Variants in PDE4B observed in about 807,000 individuals in gnomAD.
The protein encoded by PDE4B is 3',5'-cyclic-AMP phosphodiesterase 4B.
Under a neutral mutation model 82.2 loss-of-function variants are expected in PDE4B, and 20 were observed. The observed-to-expected ratio is 0.24, with a 90% CI of 0.17 to 0.35. The LOEUF (loss-of-function observed/expected upper bound fraction) is 0.35. Ranked by LOEUF, PDE4B falls within the 10% of genes least tolerant of loss-of-function variation. The pLI is 1.00. For synonymous variants in PDE4B, 320 were observed against 318.9 expected (o/e 1.00, Z -0.04); for missense variants, 655 against 907.2 (o/e 0.72, Z 3.57).
chr1:66,340,959 A>G lies in PDE4B; in HGVS notation c.747+8339A>G, dbSNP rs145755635. ...CAACTATCTAATGTCTTTGGTCACT[A>G]TTGATGAAATTTGATAAATCAAACC... On this transcript the variant is annotated intron_variant, in intron 8 of 16. Coordinates refer to ENST00000341517, the MANE Select transcript of PDE4B (RefSeq NM_002600.4). 6.2e-4 allele frequency among the ~76,000 whole-genome samples: 94 copies of G among 152,318 alleles called. 1 individual carries two copies. The East Asian group carries it at 0.016, about 26-fold the overall frequency.
intron 7 of PDE4B, among the ~76,000 whole-genome samples, chr1:66,330,130 A>G (rs1660003348): frequency 6.6e-6 from 1 of 152,248 alleles, no homozygotes; most frequent in Non-Finnish European, 1.5e-5. Context: ...CAAAGTCTTG[A>G]CTGTGAATTA....
intron 8 of PDE4B, among the ~76,000 whole-genome samples, chr1:66,342,730 C>CA (rs59069739): frequency 0.063 from 6,763 of 108,082 alleles, 362 homozygotes; most frequent in African/African-American, 0.17. Context: ...AACTCCATCT[C>CA]AAAAAAAAAA....
At chr1:65,970,470 C>CT (rs1443716119) in intron 3 of PDE4B, among the ~76,000 whole-genome samples, 1 of 152,070 alleles carries the variant, frequency 6.6e-6, no homozygotes, top group Admixed American at 6.6e-5. Flanking sequence ...ACTTTATTCA[C>CT]TTAACCAGCC....
chr1:66,026,845 C>T (rs781161771), intron 3 of PDE4B, among the ~76,000 whole-genome samples: 1 of 152,192 alleles, frequency 6.6e-6, no homozygotes, highest in Admixed American at 6.5e-5. Context: ...AACAAACCAA[C>T]CAATTATGGC....
intron 1 of PDE4B, among the ~76,000 whole-genome samples, chr1:65,841,457 G>A (rs1276215297): frequency 1.3e-5 from 2 of 152,036 alleles, no homozygotes; most frequent in African/African-American, 4.8e-5. Context: ...GTATAGAGGA[G>A]TCTGGGGTAA....
intron 1 of PDE4B, among the ~76,000 whole-genome samples, chr1:65,800,189 G>T (rs1645678815): frequency 6.6e-6 from 1 of 152,080 alleles, no homozygotes; most frequent in Non-Finnish European, 1.5e-5. Context: ...AGATCAGGAG[G>T]CAAGGCCAGT....
intron 3 of PDE4B, among the ~76,000 whole-genome samples, chr1:66,133,342 A>C (rs1279159642): frequency 1.3e-5 from 2 of 152,322 alleles, no homozygotes; most frequent in Middle Eastern, 3.4e-3. Flanking sequence ...ATCTCAATGA[A>C]TGTTATTATT....
At chr1:66,321,469 T>C (rs969805987) in intron 7 of PDE4B, among the ~76,000 whole-genome samples, 1 of 152,182 alleles carries the variant, frequency 6.6e-6, no homozygotes, top group Non-Finnish European at 1.5e-5. Flanking sequence ...TTCTTGCTTC[T>C]ATAACAAAAT....
At chr1:66,356,457 A>G (rs1339832561) in intron 9 of PDE4B, among the ~76,000 whole-genome samples, 1 of 152,230 alleles carries the variant, frequency 6.6e-6, no homozygotes, top group Non-Finnish European at 1.5e-5. Context: ...AAGTAAATGG[A>G]TAGCATTTAG....
chr1:66,348,962 A>C (rs1437871933), intron 8 of PDE4B, among the ~76,000 whole-genome samples: 2 of 152,150 alleles, frequency 1.3e-5, no homozygotes, highest in East Asian at 3.8e-4. Context: ...CTTTGGGTCT[A>C]GGAAACGTCA....
intron 3 of PDE4B, among the ~76,000 whole-genome samples, chr1:66,042,143 C>T (rs1251865063): frequency 6.6e-6 from 1 of 151,692 alleles, no homozygotes; most frequent in African/African-American, 2.4e-5. Flanking sequence ...GTGATTGTTT[C>T]CCCCAAATCA....
chr1:65,895,807 T>C (rs1478807544), intron 1 of PDE4B, among the ~76,000 whole-genome samples: 2 of 150,792 alleles, frequency 1.3e-5, no homozygotes, highest in African/African-American at 4.9e-5. Flanking sequence ...CAGATATAAA[T>C]CCTGGAGAAT....
intron 3 of PDE4B, among the ~76,000 whole-genome samples, chr1:65,958,980 T>G (rs1649411380): frequency 6.6e-6 from 1 of 152,242 alleles, no homozygotes. Flanking sequence ...GTGTGTTCTG[T>G]GCTTCCCAGA....
chr1:65,953,047 G>A (rs1323543525), intron 3 of PDE4B, among the ~76,000 whole-genome samples: 1 of 152,108 alleles, frequency 6.6e-6, no homozygotes, highest in Non-Finnish European at 1.5e-5. Context: ...GCAACCCTAA[G>A]CATGTCTTGG....
intron 3 of PDE4B, among the ~76,000 whole-genome samples, chr1:65,938,610 C>G (rs576758110): frequency 1.3e-5 from 2 of 152,168 alleles, no homozygotes; most frequent in East Asian, 3.9e-4. Context: ...AAAAGGCAGA[C>G]ATGTACATTA....
intron 7 of PDE4B, among the ~76,000 whole-genome samples, chr1:66,304,394 A>G (rs1163514787): frequency 6.6e-6 from 1 of 152,072 alleles, no homozygotes; most frequent in Non-Finnish European, 1.5e-5. Flanking sequence ...ACACCTATCA[A>G]TTCCCATTTT....
intron 7 of PDE4B, among the ~76,000 whole-genome samples, chr1:66,327,687 C>T (rs912916880): frequency 3.1e-4 from 47 of 152,246 alleles, no homozygotes; most frequent in African/African-American, 1.1e-3. Flanking sequence ...CAAGGTAACC[C>T]ACTGAAGCAA....
chr1:65,885,287 G>A (rs1293632400), intron 1 of PDE4B, among the ~76,000 whole-genome samples: 2 of 152,210 alleles, frequency 1.3e-5, no homozygotes, highest in South Asian at 2.1e-4. Context: ...CTCAACCATT[G>A]TGGAAGACAG....
chr1:66,155,932 T>G (rs1646494517), intron 3 of PDE4B, among the ~76,000 whole-genome samples: 1 of 152,162 alleles, frequency 6.6e-6, no homozygotes, highest in South Asian at 2.1e-4. Context: ...CCTGATTTCT[T>G]GTACTTTATG....
Sources: gnomAD v4.1 joint callset for allele counts (sites outside exome capture counted in the v4.1 genomes callset) on GRCh38, gnomAD v4.1.1 for gene constraint, MANE v1.5 for transcripts, NCBI Gene and HGNC (gene_info 2026-07-23, HGNC 2026-07-21) for gene names.